The following IMMP2L variants were observed in gnomAD, a reference collection of about 807,000 sequenced individuals.
The protein encoded by IMMP2L is inner mitochondrial membrane peptidase subunit 2.
A neutral mutation model predicts 19.3 loss-of-function variants in IMMP2L; 18 were observed. The observed-to-expected ratio is 0.93, with a 90% CI of 0.64 to 1.38. The LOEUF is 1.38. IMMP2L is among the 40% of genes most tolerant of loss of function. IMMP2L has a pLI of 0.00. For synonymous variants in IMMP2L, 76 were observed against 73.0 expected (o/e 1.04, Z -0.21); for missense variants, 233 against 218.2 (o/e 1.07, Z -0.43).
intron 1 of IMMP2L, among the ~76,000 whole-genome samples, chr7:111,546,180 C>T (rs1181683916): frequency 1.3e-5 from 2 of 151,986 alleles, no homozygotes; most frequent in African/African-American, 4.8e-5. Flanking sequence ...TTATTTCACA[C>T]AATTACAGGA....
At chr7:111,329,081 T>C (rs1825622389) in intron 3 of IMMP2L, among the ~76,000 whole-genome samples, 1 of 151,862 alleles carries the variant, frequency 6.6e-6, no homozygotes, top group Admixed American at 6.6e-5. Flanking sequence ...TTGAAAAGCT[T>C]TCATGTACAA....
intron 5 of IMMP2L, among the ~76,000 whole-genome samples, chr7:110,737,293 G>A (rs10281725): frequency 0.064 from 9,730 of 152,148 alleles, 1,020 homozygotes; most frequent in African/African-American, 0.22. Context: ...TTTCAGCCCT[G>A]GTCACTGGCT....
chr7:111,133,204 C>T (rs1802012748), intron 3 of IMMP2L, among the ~76,000 whole-genome samples: 1 of 151,984 alleles, frequency 6.6e-6, no homozygotes, highest in Non-Finnish European at 1.5e-5. Context: ...GACAAATCTC[C>T]TGACATCCTA....
intron 5 of IMMP2L, among the ~76,000 whole-genome samples, chr7:110,880,589 T>A (rs1207590957): frequency 6.6e-6 from 1 of 152,048 alleles, no homozygotes; most frequent in Non-Finnish European, 1.5e-5. Context: ...TTTTTTGTCT[T>A]ATGGGCGCCT....
At chr7:111,376,183 T>C (rs1584859824) in intron 3 of IMMP2L, among the ~76,000 whole-genome samples, 1 of 152,064 alleles carries the variant, frequency 6.6e-6, no homozygotes, top group Non-Finnish European at 1.5e-5. Context: ...TGAAGAGTAA[T>C]GGTACAAATA....
rs543770649 is a variant in IMMP2L, at chr7:111,196,789, C to A, written c.240-233224G>T. Reference sequence around the variant, plus strand: ...GTTTGTTGTTTATATATCCATATAGCTTTAAAGATCTTTACGTAAACGCTC... The same window carrying A: ...GTTTGTTGTTTATATATCCATATAGATTTAAAGATCTTTACGTAAACGCTC... On this transcript the variant is annotated intron_variant, in intron 3 of 5. Coordinates refer to ENST00000405709, the MANE Select transcript of IMMP2L (RefSeq NM_032549.4). 8.5e-5 allele frequency among the ~76,000 whole-genome samples: 13 copies of A among 152,178 alleles called. No homozygotes were observed. The East Asian group carries it at 2.5e-3, about 29-fold the overall frequency.
intron 3 of IMMP2L, among the ~76,000 whole-genome samples, chr7:111,082,324 C>G (rs1335793051): frequency 2.6e-5 from 4 of 152,136 alleles, no homozygotes; most frequent in Non-Finnish European, 5.9e-5. Context: ...ATTTTGATTA[C>G]GTGGGCAAGC....
intron 3 of IMMP2L, among the ~76,000 whole-genome samples, chr7:111,145,604 A>T (rs1803382491): frequency 6.6e-6 from 1 of 152,120 alleles, no homozygotes; most frequent in Non-Finnish European, 1.5e-5. Context: ...CAATAGGAAC[A>T]GCATGTACCC....
chr7:111,320,898 G>T lies in IMMP2L; in HGVS notation c.239+166340C>A, dbSNP rs1362748662. On this transcript the variant is annotated intron_variant, in intron 3 of 5. Transcript: ENST00000405709. ...TGATTATTAGATCCTTAAAGTACAA[G>T]CAACTTATTCATATTTGTATCATAA... 3.9e-5 allele frequency among the ~76,000 whole-genome samples: 6 copies of T among 151,922 alleles called. No individual in the cohort carries two copies. The East Asian group carries it at 1.2e-3, about 29-fold the overall frequency.
At chr7:111,135,240 T>C (rs1278361900) in intron 3 of IMMP2L, among the ~76,000 whole-genome samples, 2 of 152,178 alleles carry the variant, frequency 1.3e-5, no homozygotes, top group Admixed American at 6.5e-5. Flanking sequence ...GAGGATATTA[T>C]AACACTCTAC....
At chr7:110,878,269 G>T (rs935114469) in intron 5 of IMMP2L, among the ~76,000 whole-genome samples, 4 of 151,468 alleles carry the variant, frequency 2.6e-5, no homozygotes, top group Non-Finnish European at 4.4e-5. Flanking sequence ...GGTATGAAAT[G>T]CATGGAGCAT....
At chr7:111,124,403 G>C (rs933147352) in intron 3 of IMMP2L, 8 of 1,613,658 alleles carry the variant, frequency 5.0e-6, no homozygotes, top group African/African-American at 2.7e-5. Context: ...TGGAAAGCAA[G>C]TTCTAAAATT....
intron 3 of IMMP2L, among the ~76,000 whole-genome samples, chr7:111,050,674 G>A (rs1792922503): frequency 6.6e-6 from 1 of 152,190 alleles, no homozygotes; most frequent in Admixed American, 6.5e-5. Context: ...GTGACTCAAT[G>A]CAACTCTAAT....
At chr7:110,985,085 A>G (rs1821722403) in intron 3 of IMMP2L, among the ~76,000 whole-genome samples, 1 of 152,076 alleles carries the variant, frequency 6.6e-6, no homozygotes, top group South Asian at 2.1e-4. Flanking sequence ...GAAGAGGGAG[A>G]CCATGAACTA....
chr7:111,354,593 A>G (rs1828513535), intron 3 of IMMP2L, among the ~76,000 whole-genome samples: 1 of 151,820 alleles, frequency 6.6e-6, no homozygotes, highest in Admixed American at 6.6e-5. Flanking sequence ...TTTAAAAAAA[A>G]AAGAAAGAAA....
At chr7:111,450,527 T>A (rs1352024063) in intron 3 of IMMP2L, among the ~76,000 whole-genome samples, 1 of 150,742 alleles carries the variant, frequency 6.6e-6, no homozygotes, top group African/African-American at 2.5e-5. Flanking sequence ...TGAAACTGGA[T>A]CCCTTCCTTA....
At chr7:111,220,658 G>A (rs1812414746) in intron 3 of IMMP2L, among the ~76,000 whole-genome samples, 1 of 151,856 alleles carries the variant, frequency 6.6e-6, no homozygotes, top group Non-Finnish European at 1.5e-5. Context: ...GACAGAGACT[G>A]ATAGATATAC....
chr7:111,172,435 TGATCAAACAG>T (rs1806550790), intron 3 of IMMP2L, among the ~76,000 whole-genome samples: 1 of 151,574 alleles, frequency 6.6e-6, no homozygotes, highest in African/African-American at 2.4e-5. Flanking sequence ...CAACGTGTAA[TGATCAAACAG>T]GGTATTCAGC....
intron 3 of IMMP2L, among the ~76,000 whole-genome samples, chr7:111,381,815 G>A (rs190313701): frequency 6.6e-6 from 1 of 151,992 alleles, no homozygotes; most frequent in Admixed American, 6.6e-5. Context: ...AGGATATGCA[G>A]GTACCATGAT....
Sources: gnomAD v4.1 joint callset for allele counts (sites outside exome capture counted in the v4.1 genomes callset) on GRCh38, gnomAD v4.1.1 for gene constraint, MANE v1.5 for transcripts, NCBI Gene and HGNC (gene_info 2026-07-23, HGNC 2026-07-21) for gene names.